INMT: variants seen among roughly 807,000 people sequenced by gnomAD.
INMT encodes indolethylamine N-methyltransferase.
A neutral mutation model predicts 11.5 loss-of-function variants in INMT; 11 were observed. The ratio of observed to expected loss-of-function variants is 0.95; its 90% CI spans 0.60 to 1.58. The LOEUF (loss-of-function observed/expected upper bound fraction) is 1.58, where lower values mean the gene tolerates loss of function less well. INMT is among the 40% of genes most tolerant of loss of function. The pLI is 0.00. For synonymous variants in INMT, 155 were observed against 142.9 expected (o/e 1.08, Z -0.60); for missense variants, 316 against 336.1 (o/e 0.94, Z 0.47).
At position 30,756,204 on chromosome 7, in the gene INMT, C is replaced by A; in HGVS notation, c.*353C>A. ...CTGAGTCTACCTAATATGTTAAGGA[C>A]AAGGAAACCTCTGGACAGTGGTATA... On this transcript the variant is annotated 3_prime_UTR_variant, in exon 3 of 3. Coordinates refer to ENST00000013222, the MANE Select transcript of INMT (RefSeq NM_006774.5). 9.6e-7 allele frequency: 1 copy of A among 1,038,896 alleles called. No individual in the cohort carries two copies. The highest frequency in any genetic ancestry group is 1.2e-6 in the Non-Finnish European group (1 of 863,082). 64.4% of individuals were successfully genotyped at this position (1,038,896 alleles called of 1,614,324 possible). A position where few individuals can be genotyped will look rare whatever the true frequency, so the allele number is the denominator to read the frequency against.
In INMT at chr7:30,754,937, T is replaced by G. The variant is rs1326327768; in HGVS notation, c.363-485T>G. On this transcript the variant is annotated intron_variant, in intron 2 of 2. Transcript: ENST00000013222. The surrounding 1 kb of genome is among the most constrained non-coding windows in gnomAD (Gnocchi z 4.9). Reference sequence around the variant, plus strand: ...AAAAAATTTTTTTCTTGCATACTTATGTATATCTAAACAATCTATAATTTA... The same window carrying G: ...AAAAAATTTTTTTCTTGCATACTTAGGTATATCTAAACAATCTATAATTTA... Among the ~76,000 whole-genome samples the G allele has an allele frequency of 6.6e-6, 1 of 152,266 alleles. No homozygotes were observed. The highest frequency in any genetic ancestry group is 1.5e-5 in the Non-Finnish European group (1 of 68,052).
chr7:30,753,586 C>T (rs984362552), intron 1 of INMT, 145 bp from the exon 2 acceptor site: 4 of 723,832 alleles, frequency 5.5e-6, no homozygotes, highest in Non-Finnish European at 9.7e-6. Context: ...TGGCATGAGG[C>T]TTGGCTTACA....
rs1786292234 is a variant in INMT, at chr7:30,757,310, C to T, written c.*1459C>T. 5.3e-6 allele frequency: 1 copy of T among 189,348 alleles called. No homozygotes were observed. The highest frequency in any genetic ancestry group is 1.1e-5 in the Non-Finnish European group (1 of 92,004). The allele number at this position is 189,348 out of a possible 1,614,324, so 11.7% of individuals were successfully genotyped here. ...CTGTACAGGGGCTCTTGGGGTTCGG[C>T]TCAGCTCAACATGGCTTGACATGGT... On this transcript the variant is annotated 3_prime_UTR_variant, in exon 3 of 3. Coordinates refer to ENST00000013222, the MANE Select transcript of INMT (RefSeq NM_006774.5).
rs560903764 is a variant in INMT at position 30,752,180 on chromosome 7, G to A, written c.30G>A (p.Glu10=). The A allele has an allele frequency of 6.2e-7, 1 of 1,614,072 alleles. No individual in the cohort carries two copies. The highest frequency in any genetic ancestry group is 1.1e-5 in the South Asian group (1 of 91,086). The change falls in exon 1 of 3, where the codon GAG becomes GAA. Residue 10 remains glutamate, a synonymous_variant. Coordinates refer to ENST00000013222, the MANE Select transcript of INMT (RefSeq NM_006774.5). MKGGFTGGD[E]YQKHFLPRDY... ...AGGGTGGCTTCACTGGGGGTGATGA[G>A]TACCAGAAGCACTTCCTGCCCAGGG...
chr7:30,753,423 C>T (rs1406207964), intron 1 of INMT, among the ~76,000 whole-genome samples: 3 of 152,246 alleles, frequency 2.0e-5, no homozygotes, highest in Non-Finnish European at 2.9e-5. Flanking sequence ...AAATATTATA[C>T]TCTTGGCTTA....
Position 30,752,298 on chromosome 7 carries a change from G to C in INMT, c.148G>C (p.Gly50Arg), listed in dbSNP as rs774018864. 1.2e-6 allele frequency: 2 copies of C among 1,613,350 alleles called. No individual in the cohort carries two copies. The highest frequency in any genetic ancestry group is 1.7e-6 in the Non-Finnish European group (2 of 1,179,556). The change falls in exon 1 of 3, where the codon GGC becomes CGC. Residue 50 changes from glycine to arginine, a missense_variant. By Grantham distance (125) the Gly-to-Arg change is moderately radical. Coordinates refer to ENST00000013222, the MANE Select transcript of INMT (RefSeq NM_006774.5). ...FNLECLHKTF[G>R]PGGLQGDTLI... Reference sequence around the variant, plus strand: ...CTTGGAATGTCTCCACAAGACCTTCGGCCCTGGTGAGCAGAGGGTGGCCCT... The same window carrying C: ...CTTGGAATGTCTCCACAAGACCTTCCGCCCTGGTGAGCAGAGGGTGGCCCT...
intron 1 of INMT, among the ~76,000 whole-genome samples, chr7:30,753,236 C>T (rs1786132538): frequency 6.6e-6 from 1 of 152,164 alleles, no homozygotes. Flanking sequence ...ATGCTTTCAC[C>T]CCTCCCTCCT....
Position 30,756,290 on chromosome 7 carries a change from C to T in INMT, c.*439C>T. ...TGGCTCTGTCACCCAGGCTAGAGTG[C>T]AATGGCACGATCTCGGCTCACTGCA... is the stretch of plus-strand genomic sequence containing the variant. On this transcript the variant is annotated 3_prime_UTR_variant, in exon 3 of 3. Coordinates refer to ENST00000013222, the MANE Select transcript of INMT (RefSeq NM_006774.5). The T allele has an allele frequency of 1.1e-6, 1 of 905,204 alleles. No individual in the cohort carries two copies. The highest frequency in any genetic ancestry group is 1.3e-6 in the Non-Finnish European group (1 of 756,300). The allele number at this position is 905,204 out of a possible 1,614,324, so 56.1% of individuals were successfully genotyped here.
Position 30,754,743 on chromosome 7 carries a change from G to T in INMT, c.363-679G>T, listed in dbSNP as rs1374469682. On this transcript the variant is annotated intron_variant, in intron 2 of 2. Coordinates refer to ENST00000013222, the MANE Select transcript of INMT (RefSeq NM_006774.5). The surrounding 1 kb of genome is among the most constrained non-coding windows in gnomAD (Gnocchi z 4.9). ...TCTTTCCTTCTTCCCTCTATTGTCTGTACCTGTGTGACTGACTATATAATG... is the reference window on the plus strand; with the variant it reads ...TCTTTCCTTCTTCCCTCTATTGTCTTTACCTGTGTGACTGACTATATAATG... 6.6e-6 allele frequency among the ~76,000 whole-genome samples: 1 copy of T among 151,890 alleles called. No individual in the cohort carries two copies. The highest frequency in any genetic ancestry group is 1.5e-5 in the Non-Finnish European group (1 of 68,000).
At position 30,757,532 on chromosome 7, in the gene INMT, C is replaced by T. The variant is rs13307741; in HGVS notation, c.*1681C>T. 44,813 of 161,606 alleles carry T rather than the reference C, an allele frequency of 0.28. 6,695 individuals carry two copies. The highest frequency in any genetic ancestry group is 0.36 in the South Asian group (2,247 of 6,304). 10.0% of individuals were successfully genotyped at this position (161,606 alleles called of 1,614,324 possible). Reference sequence around the variant, plus strand: ...ACGGGCTCAAGCAGCCAAGGCAGGGCGGACAGTGTGAGAGAGCTAGTGTAA... The same window carrying T: ...ACGGGCTCAAGCAGCCAAGGCAGGGTGGACAGTGTGAGAGAGCTAGTGTAA... On this transcript the variant is annotated 3_prime_UTR_variant, in exon 3 of 3. Coordinates refer to ENST00000013222, the MANE Select transcript of INMT (RefSeq NM_006774.5).
rs2128160919 is a variant in INMT, at chr7:30,756,947, T to C, written c.*1096T>C. 1 of 152,380 alleles carries C rather than the reference T, an allele frequency of 6.6e-6. No individual in the cohort carries two copies. Among genetic ancestry groups the C allele is most frequent in the Admixed American group, 6.5e-5 (1 of 15,304 alleles). The allele number at this position is 152,380 out of a possible 1,614,324, so 9.4% of individuals were successfully genotyped here. On this transcript the variant is annotated 3_prime_UTR_variant, in exon 3 of 3. Coordinates refer to ENST00000013222, the MANE Select transcript of INMT (RefSeq NM_006774.5). The stretch of plus-strand genomic sequence containing the variant: ...TTTAGCAAATACAGACTGCCCCAGT[T>C]CATTGAATTTTAGATAAATGAAATA...
chr7:30,752,654 G>C (rs1036797988), intron 1 of INMT, among the ~76,000 whole-genome samples: 11 of 152,208 alleles, frequency 7.2e-5, no homozygotes, highest in Non-Finnish European at 1.5e-5. Context: ...CCCCCAGAAG[G>C]CCAAGGGCAA....
rs541647449 is a variant in INMT, at chr7:30,753,205, G to T, written c.155-526G>T. ...GCCATCTTCCCAGATCATCTCCTTA[G>T]CCCCGGCTTCCTATTCCTGTATGCT... On this transcript the variant is annotated intron_variant, in intron 1 of 2. Transcript: ENST00000013222. Among the ~76,000 whole-genome samples, 8 of 152,260 alleles carry T rather than the reference G, an allele frequency of 5.3e-5. No individual in the cohort carries two copies. In the South Asian group the frequency reaches 1.2e-3, roughly 24 times the overall value.
At position 30,756,073 on chromosome 7, in the gene INMT, C is replaced by T; in HGVS notation, c.*222C>T. 2.9e-6 allele frequency: 4 copies of T among 1,376,374 alleles called. No individual in the cohort carries two copies. The highest frequency in any genetic ancestry group is 1.8e-5 in the South Asian group (1 of 56,832). The allele number at this position is 1,376,374 out of a possible 1,614,324, so 85.3% of individuals were successfully genotyped here. ...GTGGAATTTTCCATTTTCTAATATA[C>T]TAAGCCTTACAGCTATCTTAGATGC... On this transcript the variant is annotated 3_prime_UTR_variant, in exon 3 of 3. Transcript: ENST00000013222.
chr7:30,752,793 A>T (rs550842673), intron 1 of INMT, among the ~76,000 whole-genome samples: 12 of 152,258 alleles, frequency 7.9e-5, no homozygotes, highest in Middle Eastern at 3.4e-3. Flanking sequence ...ACCCTGAGCA[A>T]GGGGCTCAGA....
rs113326539 is a variant in INMT at position 30,754,632 on chromosome 7, CATCT to C, written c.362+698_362+701del. 9.0e-4 allele frequency among the ~76,000 whole-genome samples: 119 copies of C among 132,338 alleles called. No individual in the cohort carries two copies. The highest frequency in any genetic ancestry group is 3.1e-3 in the African/African-American group (109 of 35,632). The allele number at this position is 132,338 out of a possible 152,430, so 86.8% of individuals were successfully genotyped here. A position where few individuals can be genotyped will look rare whatever the true frequency, so the allele number is the denominator to read the frequency against. On this transcript the variant is annotated intron_variant, in intron 2 of 2. Coordinates refer to ENST00000013222, the MANE Select transcript of INMT (RefSeq NM_006774.5). The surrounding 1 kb of genome is among the most constrained non-coding windows in gnomAD (Gnocchi z 4.9). ...ATCCATCCACCCATCCATCCATATCCATCTATCCATCCATCCATCCATCCATCCA... is the reference window on the plus strand; with the variant it reads ...ATCCATCCACCCATCCATCCATATCCATCCATCCATCCATCCATCCATCCA...
In INMT at chr7:30,757,443, A is replaced by T. The variant is rs1367122183; in HGVS notation, c.*1592A>T. 2.0e-5 allele frequency: 4 copies of T among 200,934 alleles called. No individual in the cohort carries two copies. Among genetic ancestry groups the T allele is most frequent in the African/African-American group, 9.5e-5 (4 of 41,970 alleles). 12.4% of individuals were successfully genotyped at this position (200,934 alleles called of 1,614,324 possible). On this transcript the variant is annotated 3_prime_UTR_variant, in exon 3 of 3. Coordinates refer to ENST00000013222, the MANE Select transcript of INMT (RefSeq NM_006774.5). The stretch of plus-strand genomic sequence containing the variant: ...TCAGCTTGCTCACGCCCAGAGAGAG[A>T]AAAAGTTAAGCTGCTGACCCTGAAG...
At chr7:30,752,465 T>C (rs897994718) in intron 1 of INMT, among the ~76,000 whole-genome samples, 161 bp downstream of exon 1, 10 of 152,246 alleles carry the variant, frequency 6.6e-5, no homozygotes, top group African/African-American at 2.4e-4. Flanking sequence ...GCAGCTGTTA[T>C]GCTGGAGGTT....
Position 30,754,032 on chromosome 7 carries a change from A to C in INMT, c.362+94A>C. ...TTGTTGTCTCTGACATTTTCAGGAC[A>C]GTAGGACCTTCAGGTATAGGACCAG... On this transcript the variant is annotated intron_variant, in intron 2 of 2. Coordinates refer to ENST00000013222, the MANE Select transcript of INMT (RefSeq NM_006774.5). The surrounding 1 kb of genome is among the most constrained non-coding windows in gnomAD (Gnocchi z 4.9). 1 of 1,276,758 alleles carries C rather than the reference A, an allele frequency of 7.8e-7. No homozygotes were observed. The allele number at this position is 1,276,758 out of a possible 1,614,324, so 79.1% of individuals were successfully genotyped here.
Sources: gnomAD v4.1 joint callset for allele counts (sites outside exome capture counted in the v4.1 genomes callset) on GRCh38, gnomAD v4.1.1 for gene constraint, Gnocchi (gnomAD v3.1) non-coding constraint, MANE v1.5 for transcripts, NCBI Gene and HGNC (gene_info 2026-07-23, HGNC 2026-07-21) for gene names.